DNAL1: variants seen among roughly 807,000 people sequenced by gnomAD.
DNAL1 encodes the protein chromosome 14 open reading frame 168.
In DNAL1, 17 loss-of-function variants were observed where a neutral mutation model predicts 29.4. The observed-to-expected ratio is 0.58, with a 90% CI of 0.40 to 0.87. The LOEUF is 0.87. Among genes scored for constraint, DNAL1 ranks in the 40% least tolerant of loss-of-function variants. The pLI, the probability that DNAL1 is intolerant of heterozygous loss-of-function variation, is 0.00. For missense variants in DNAL1, 188 were observed against 214.1 expected (o/e 0.88, Z 0.76); for synonymous variants, 78 against 76.3 (o/e 1.02, Z -0.12).
intron 1 of DNAL1, among the ~76,000 whole-genome samples, chr14:73,653,473 T>C (rs996665829): frequency 6.6e-6 from 1 of 152,062 alleles, no homozygotes; most frequent in Non-Finnish European, 1.5e-5. Flanking sequence ...CACCTCAGCC[T>C]CCCAAATAGC....
At chr14:73,695,858 A>G in intron 7 of DNAL1, 44 bp from the exon 8 acceptor site, 1 of 1,505,716 alleles carries the variant, frequency 6.6e-7, no homozygotes, top group South Asian at 1.2e-5. Flanking sequence ...GAATTTTAGC[A>G]ATTTTTTGAG....
intron 2 of DNAL1, among the ~76,000 whole-genome samples, chr14:73,655,612 G>C (rs1891200535): frequency 6.6e-6 from 1 of 151,952 alleles, no homozygotes; most frequent in Non-Finnish European, 1.5e-5. Flanking sequence ...CTCCCAAAGT[G>C]CTGGGATTAC....
chr14:73,679,732 G>A (rs145372357), intron 5 of DNAL1, among the ~76,000 whole-genome samples: 461 of 152,070 alleles, frequency 3.0e-3, no homozygotes, highest in African/African-American at 0.011. Flanking sequence ...AAATCTTTAT[G>A]GTTTCAGTGT....
At chr14:73,677,884 T>TATTTGTG (rs1555402397) in intron 5 of DNAL1, among the ~76,000 whole-genome samples, 106 of 96,124 alleles carry the variant, frequency 1.1e-3, no homozygotes, top group Middle Eastern at 5.0e-3. Flanking sequence ...ATATATATAT[T>TATTTGTG]TGTGTGTGTG....
intron 5 of DNAL1, among the ~76,000 whole-genome samples, chr14:73,681,095 G>T (rs896136185): frequency 8.7e-5 from 8 of 92,138 alleles, no homozygotes; most frequent in Non-Finnish European, 1.3e-4. Context: ...TAGATTTTTT[G>T]TTGTTGTTGT....
rs1419417524 is a variant in DNAL1 at position 73,703,486 on chromosome 14, C to G, written c.*7544C>G. ...TCCACCATTGTGATTTGTTCCTGCC[C>G]CACCCTAACTGATCAATGTACTTTG... On this transcript the variant is annotated 3_prime_UTR_variant, in exon 8 of 8. Transcript: ENST00000553645. The G allele has an allele frequency of 6.6e-6, 1 of 152,122 alleles. No homozygotes were observed. The highest frequency in any genetic ancestry group is 2.4e-5 in the African/African-American group (1 of 41,406). The allele number at this position is 152,122 out of a possible 1,614,324, so 9.4% of individuals were successfully genotyped here. A position where few individuals can be genotyped will look rare whatever the true frequency, so the allele number is the denominator to read the frequency against.
At chr14:73,668,029 C>G (rs577072571) in intron 4 of DNAL1, among the ~76,000 whole-genome samples, 17 of 152,300 alleles carry the variant, frequency 1.1e-4, no homozygotes, top group Admixed American at 2.6e-4. Flanking sequence ...TGCCTCAAAG[C>G]CTTTGTACTT....
At chr14:73,691,262 G>A (rs895365783) in intron 7 of DNAL1, among the ~76,000 whole-genome samples, 6 of 152,138 alleles carry the variant, frequency 3.9e-5, no homozygotes, top group Non-Finnish European at 8.8e-5. Flanking sequence ...CAAAATATAT[G>A]TTATTAGCTG....
intron 6 of DNAL1, 78 bp downstream of exon 6, chr14:73,687,463 C>G: frequency 1.4e-6 from 2 of 1,413,650 alleles, no homozygotes; most frequent in Non-Finnish European, 1.9e-6. Flanking sequence ...AGATGCAAAA[C>G]GAGAACGTTT....
intron 5 of DNAL1, among the ~76,000 whole-genome samples, chr14:73,676,105 G>C (rs989309458): frequency 6.6e-6 from 1 of 151,176 alleles, no homozygotes; most frequent in Non-Finnish European, 1.5e-5. Flanking sequence ...GTGGTGGCAC[G>C]TACCTGTAAT....
intron 4 of DNAL1, among the ~76,000 whole-genome samples, chr14:73,667,602 G>T (rs956530746): frequency 6.6e-6 from 1 of 151,576 alleles, no homozygotes; most frequent in East Asian, 2.0e-4. Context: ...GGGCTCAAGC[G>T]ATCCTCCCAC....
intron 5 of DNAL1, among the ~76,000 whole-genome samples, chr14:73,676,005 C>T (rs778620300): frequency 1.8e-4 from 27 of 150,948 alleles, no homozygotes; most frequent in Non-Finnish European, 3.0e-4. Context: ...CAGAGTGAGA[C>T]TTTGTCTCGA....
intron 5 of DNAL1, among the ~76,000 whole-genome samples, chr14:73,680,460 A>T (rs935989574): frequency 3.9e-5 from 6 of 152,176 alleles, no homozygotes; most frequent in Non-Finnish European, 8.8e-5. Flanking sequence ...CCATAGTTTT[A>T]ATTCCTATAA....
In DNAL1 at chr14:73,698,077, A is replaced by G. The variant is rs1892345275; in HGVS notation, c.*2135A>G. ...TAGGAAGTAAGTGATTTCATATTGA[A>G]TTTATTTGTAAAATGGCTTAGAGTT... On this transcript the variant is annotated 3_prime_UTR_variant, in exon 8 of 8. Coordinates refer to ENST00000553645, the MANE Select transcript of DNAL1 (RefSeq NM_031427.4). 6.6e-6 allele frequency: 1 copy of G among 152,216 alleles called. No individual in the cohort carries two copies. Among genetic ancestry groups the G allele is most frequent in the South Asian group, 2.1e-4 (1 of 4,834 alleles). The allele number at this position is 152,216 out of a possible 1,614,324, so 9.4% of individuals were successfully genotyped here.
At chr14:73,685,460 AT>A (rs200537222) in intron 5 of DNAL1, among the ~76,000 whole-genome samples, 269 of 139,514 alleles carry the variant, frequency 1.9e-3, no homozygotes, top group Admixed American at 3.9e-3. Context: ...TTTCTGCTTA[AT>A]TTTTTTTTTT....
Position 73,649,834 on chromosome 14 carries a change from A to G in DNAL1, c.3+4792A>G, listed in dbSNP as rs1353814856. Among the ~76,000 whole-genome samples the G allele has an allele frequency of 2.6e-5, 4 of 152,206 alleles. No homozygotes were observed. The East Asian group carries it at 5.8e-4, about 22-fold the overall frequency. ...AGGACTCCCTAGGATACTGAAATCT[A>G]TGGACATTCAAGTCCCTTACATATA... On this transcript the variant is annotated intron_variant, in intron 1 of 7. Coordinates refer to ENST00000553645, the MANE Select transcript of DNAL1 (RefSeq NM_031427.4).
intron 5 of DNAL1, among the ~76,000 whole-genome samples, chr14:73,683,034 G>T (rs547855429): frequency 1.3e-5 from 2 of 151,842 alleles, no homozygotes; most frequent in Non-Finnish European, 2.9e-5. Flanking sequence ...GCATCACCAC[G>T]CCCAGCTAAT....
At chr14:73,677,717 C>T (rs1371300534) in intron 5 of DNAL1, among the ~76,000 whole-genome samples, 3 of 150,352 alleles carry the variant, frequency 2.0e-5, no homozygotes, top group South Asian at 2.1e-4. Flanking sequence ...CCACCACGCC[C>T]GGCTAATTTT....
chr14:73,661,517 A>G lies in DNAL1; in HGVS notation c.153-470A>G, dbSNP rs552886193. Among the ~76,000 whole-genome samples, 9 of 152,240 alleles carry G rather than the reference A, an allele frequency of 5.9e-5. 1 individual carries two copies. The South Asian group carries it at 1.9e-3, about 32-fold the overall frequency. ...CCCAGCACTTTGGGAGGCCGAAGCA[A>G]GTGGATCACTTGAGGTCAGGAGTTC... is the stretch of plus-strand genomic sequence containing the variant. On this transcript the variant is annotated intron_variant, in intron 3 of 7. Coordinates refer to ENST00000553645, the MANE Select transcript of DNAL1 (RefSeq NM_031427.4).
Sources: gnomAD v4.1 joint callset for allele counts (sites outside exome capture counted in the v4.1 genomes callset) on GRCh38, gnomAD v4.1.1 for gene constraint, MANE v1.5 for transcripts, NCBI Gene and HGNC (gene_info 2026-07-23, HGNC 2026-07-21) for gene names.